Variants in AVL9 observed in about 807,000 individuals in gnomAD.
The protein encoded by AVL9 is AVL9 cell migration associated.
A neutral mutation model predicts 79.2 loss-of-function variants in AVL9; 49 were observed. The observed-to-expected ratio is 0.62, with a 90% CI of 0.49 to 0.79. The LOEUF (loss-of-function observed/expected upper bound fraction) is 0.79, where lower values mean the gene tolerates loss of function less well. Among genes scored for constraint, AVL9 ranks in the 30% least tolerant of loss-of-function variants. AVL9 has a pLI of 0.00. For missense variants in AVL9, 682 were observed against 776.8 expected (o/e 0.88, Z 1.45); for synonymous variants, 299 against 280.6 (o/e 1.07, Z -0.65).
intron 1 of AVL9, among the ~76,000 whole-genome samples, chr7:32,521,123 C>T (rs972781322): frequency 3.3e-5 from 5 of 152,062 alleles, no homozygotes; most frequent in African/African-American, 4.8e-5. Context: ...TTCCCAGTCT[C>T]GGGTATGTCT....
chr7:32,556,522 T>TAAATGAATGAATGAATG (rs55749115), intron 8 of AVL9, among the ~76,000 whole-genome samples: 3 of 150,698 alleles, frequency 2.0e-5, no homozygotes, highest in African/African-American at 7.3e-5. Context: ...TCAAAGTAAA[T>TAAATGAATGAATGAATG]GAATGAATGA....
intron 1 of AVL9, chr7:32,533,528 A>G (rs965325566): frequency 2.6e-5 from 4 of 152,190 alleles, no homozygotes; most frequent in Admixed American, 6.5e-5. Flanking sequence ...ATAAATGCCA[A>G]TTGCTTTGTA....
At chr7:32,544,672 C>T (rs1272283577) in intron 2 of AVL9, 22 bp from the exon 3 acceptor site, 11 of 1,567,666 alleles carry the variant, frequency 7.0e-6, no homozygotes, top group African/African-American at 1.4e-5. Context: ...TCACTATTTA[C>T]ATTTTTCTAT....
At chr7:32,556,623 A>T (rs1790075476) in intron 8 of AVL9, among the ~76,000 whole-genome samples, 2 of 152,204 alleles carry the variant, frequency 1.3e-5, no homozygotes, top group Non-Finnish European at 2.9e-5. Flanking sequence ...ATTTCAAAAA[A>T]TTTTATTTAA....
chr7:32,543,952 T>G (rs1789343739), intron 2 of AVL9, among the ~76,000 whole-genome samples: 2 of 151,744 alleles, frequency 1.3e-5, no homozygotes, highest in Middle Eastern at 3.2e-3. Context: ...TATGTTGCCC[T>G]GTTGCCCAGG....
At chr7:32,575,044 A>C (rs1791025369) in intron 12 of AVL9, among the ~76,000 whole-genome samples, 1 of 152,188 alleles carries the variant, frequency 6.6e-6, no homozygotes, top group Non-Finnish European at 1.5e-5. Flanking sequence ...TGGTATTGAT[A>C]AAGCTGAAAA....
chr7:32,539,445 T>C (rs113212528), intron 1 of AVL9, among the ~76,000 whole-genome samples: 78 of 131,950 alleles, frequency 5.9e-4, no homozygotes, highest in African/African-American at 2.0e-3. Flanking sequence ...AAGTCCTGGG[T>C]CTTCAGTTAG....
chr7:32,519,515 T>C (rs1269523479), intron 1 of AVL9, among the ~76,000 whole-genome samples: 2 of 152,122 alleles, frequency 1.3e-5, no homozygotes, highest in Non-Finnish European at 2.9e-5. Flanking sequence ...ACTTCGGCAG[T>C]CTTTGGTAAG....
intron 12 of AVL9, 111 bp from the exon 13 acceptor site, chr7:32,575,844 A>G: frequency 2.8e-6 from 2 of 712,304 alleles, no homozygotes; most frequent in East Asian, 5.3e-5. Context: ...CTCCCCACAA[A>G]TATGGGAGGG....
chr7:32,512,948 G>A (rs1787744995), intron 1 of AVL9, among the ~76,000 whole-genome samples: 1 of 98,862 alleles, frequency 1.0e-5, no homozygotes, highest in Non-Finnish European at 2.5e-5. Flanking sequence ...CCCTGAATTT[G>A]TGTATGGGAT....
chr7:32,541,158 C>T (rs6962660), intron 1 of AVL9, among the ~76,000 whole-genome samples: 2,638 of 152,030 alleles, frequency 0.017, 70 homozygotes, highest in African/African-American at 0.06. Flanking sequence ...GCCTCGGCCT[C>T]CCAAAGTGCT....
chr7:32,498,310 G>A (rs942398657), intron 1 of AVL9, among the ~76,000 whole-genome samples: 5 of 145,498 alleles, frequency 3.4e-5, no homozygotes, highest in African/African-American at 7.6e-5. Flanking sequence ...GTGCAGTGGC[G>A]CGATCTCCAC....
intron 3 of AVL9, among the ~76,000 whole-genome samples, chr7:32,545,221 C>T (rs1789423254): frequency 1.3e-5 from 2 of 149,578 alleles, no homozygotes; most frequent in Non-Finnish European, 3.0e-5. Context: ...GATCCTCCTG[C>T]CTCAGCCTGC....
At chr7:32,573,126 G>T in intron 11 of AVL9, 73 bp from the exon 12 acceptor site, 2 of 1,182,748 alleles carry the variant, frequency 1.7e-6, no homozygotes, top group Non-Finnish European at 2.5e-6. Flanking sequence ...CTTCCCCGTA[G>T]TTACTCTGTA....
intron 1 of AVL9, among the ~76,000 whole-genome samples, chr7:32,526,261 T>G (rs1178269307): frequency 6.6e-6 from 1 of 152,150 alleles, no homozygotes; most frequent in South Asian, 2.1e-4. Flanking sequence ...CTTAACTGCT[T>G]CCTGCTGACA....
chr7:32,570,070 C>G lies in AVL9; in HGVS notation c.1266C>G (p.Ser422=), dbSNP rs539363741. The G allele has an allele frequency of 2.0e-4, 320 of 1,614,174 alleles. 3 individuals are homozygous for G. In the South Asian group the frequency reaches 3.2e-3, roughly 16 times the overall value. Residue 422 remains serine (S), a synonymous_variant, in exon 11 of 16, where the codon TCC becomes TCG. Coordinates refer to ENST00000318709, the MANE Select transcript of AVL9 (RefSeq NM_015060.3). ...CATTGCAGCAGCATCATCTTCTCTC[C>G]GATGTCACCGTTCGGGGGTTTGTTG... is the stretch of plus-strand genomic sequence containing the variant. The part of the protein sequence containing the change: ...YMALQQHHLL[S]DVTVRGFVAG...
intron 12 of AVL9, among the ~76,000 whole-genome samples, chr7:32,575,638 T>C (rs1791060713): frequency 6.6e-6 from 1 of 152,200 alleles, no homozygotes. Flanking sequence ...TAATTAATAC[T>C]ATCCTCATAA....
rs191560063 is a variant in AVL9 at position 32,556,264 on chromosome 7, C to T, written c.609+1668C>T. Among the ~76,000 whole-genome samples the T allele has an allele frequency of 1.6e-4, 24 of 152,226 alleles. No individual in the cohort carries two copies. The East Asian group carries it at 4.6e-3, about 29-fold the overall frequency. On this transcript the variant is annotated intron_variant, in intron 8 of 15. Coordinates refer to ENST00000318709, the MANE Select transcript of AVL9 (RefSeq NM_015060.3). The stretch of plus-strand genomic sequence containing the variant: ...GCACAGTGGCTCACGCCTGTAATCT[C>T]AGCACTTTGGGAGGCTAAGGTGGGT...
intron 1 of AVL9, among the ~76,000 whole-genome samples, chr7:32,527,944 A>G (rs1350276423): frequency 6.6e-6 from 1 of 152,172 alleles, no homozygotes; most frequent in Admixed American, 6.5e-5. Flanking sequence ...GGGGTAGGAC[A>G]TGCCTCATTA....
Sources: allele counts gnomAD v4.1 joint callset (sites outside exome capture counted in the v4.1 genomes callset), GRCh38; gene constraint gnomAD v4.1.1; transcripts MANE v1.5; gene names NCBI Gene and HGNC (gene_info 2026-07-23, HGNC 2026-07-21).